Variants in ETS1 observed in about 807,000 individuals in gnomAD.
ETS1 encodes protein C-ets-1.
A neutral mutation model predicts 58.6 loss-of-function variants in ETS1; 15 were observed. The observed-to-expected ratio is 0.26, with a 90% CI of 0.17 to 0.39. ETS1 has a LOEUF of 0.39. Among genes scored for constraint, ETS1 ranks in the 10% least tolerant of loss-of-function variants. The probability of loss-of-function intolerance (pLI) is 1.00; values close to 1 mark genes in which losing one functional copy is unlikely to be tolerated. For synonymous variants in ETS1, 214 were observed against 218.2 expected (o/e 0.98, Z 0.17); for missense variants, 417 against 610.5 (o/e 0.68, Z 3.34).
At chr11:128,582,858 G>C (rs1035048820) in intron 1 of ETS1, among the ~76,000 whole-genome samples, 1 of 151,744 alleles carries the variant, frequency 6.6e-6, no homozygotes, top group African/African-American at 2.4e-5. Context: ...ATATAATGTC[G>C]ATCTTTTGTG....
At chr11:128,541,699 G>A (rs1213578242) in intron 3 of ETS1, among the ~76,000 whole-genome samples, 1 of 152,128 alleles carries the variant, frequency 6.6e-6, no homozygotes, top group Admixed American at 6.5e-5. Context: ...TAATAACCTG[G>A]TTTGATTCTC....
intron 3 of ETS1, among the ~76,000 whole-genome samples, chr11:128,530,649 A>G (rs1863882431): frequency 6.6e-6 from 1 of 152,154 alleles, no homozygotes; most frequent in Non-Finnish European, 1.5e-5. Flanking sequence ...CAAGGGACCC[A>G]TCCAGGAGGG....
chr11:128,541,599 GTTTTC>G (rs1343179517), intron 3 of ETS1, among the ~76,000 whole-genome samples: 2 of 152,140 alleles, frequency 1.3e-5, no homozygotes, highest in Admixed American at 6.5e-5. Flanking sequence ...AGTTTGTGTT[GTTTTC>G]TTTTGTTTTG....
At chr11:128,525,150 A>T (rs1325072535) in intron 3 of ETS1, among the ~76,000 whole-genome samples, 1 of 152,170 alleles carries the variant, frequency 6.6e-6, no homozygotes, top group Non-Finnish European at 1.5e-5. Flanking sequence ...ACTTCGGCTA[A>T]TTATATCCTA....
At chr11:128,514,050 C>G (rs1371807953) in intron 3 of ETS1, among the ~76,000 whole-genome samples, 5 of 152,098 alleles carry the variant, frequency 3.3e-5, no homozygotes, top group African/African-American at 1.2e-4. Context: ...GTGGGAGACC[C>G]TAGATACTTC....
At chr11:128,484,602 G>T (rs1302051347) in intron 7 of ETS1, among the ~76,000 whole-genome samples, 2 of 152,160 alleles carry the variant, frequency 1.3e-5, no homozygotes, top group Non-Finnish European at 2.9e-5. Flanking sequence ...GCCTGATTTT[G>T]ATTTCACTGT....
intron 6 of ETS1, 119 bp downstream of exon 6, chr11:128,485,950 C>CATCT: frequency 3.0e-6 from 2 of 669,942 alleles, no homozygotes; most frequent in South Asian, 3.7e-5. Flanking sequence ...GAAGAGTCTA[C>CATCT]ATCTAAGAAG....
At chr11:128,483,529 TAAA>T (rs1443599113) in intron 7 of ETS1, among the ~76,000 whole-genome samples, 3 of 151,980 alleles carry the variant, frequency 2.0e-5, no homozygotes, top group Non-Finnish European at 4.4e-5. Flanking sequence ...CACCCAAAAA[TAAA>T]AAAGAGCCAG....
In ETS1 at chr11:128,585,072, GAAAGAGAA is replaced by G. The variant is rs1864970664; in HGVS notation, c.-15+2408_-15+2415del. ...AGAAAGAAAGAAAGAAAGAAAGAAA[GAAAGAGAA>G]AGAAAGAAAGGAAAGAAAGAAAGGA... On this transcript the variant is annotated intron_variant, in intron 1 of 9. Transcript: ENST00000392668. Among the ~76,000 whole-genome samples, 2 of 18,952 alleles carry G rather than the reference GAAAGAGAA, an allele frequency of 1.1e-4. 1 individual carries two copies. Among genetic ancestry groups the G allele is most frequent in the African/African-American group, 1.0e-3 (2 of 1,912 alleles). 12.4% of individuals were successfully genotyped at this position (18,952 alleles called of 152,430 possible).
At chr11:128,492,795 T>C (rs1033209029) in intron 3 of ETS1, among the ~76,000 whole-genome samples, 1 of 145,384 alleles carries the variant, frequency 6.9e-6, no homozygotes, top group Non-Finnish European at 1.5e-5. Context: ...AGAAATCAGT[T>C]TTACTTTAGA....
At chr11:128,544,146 G>C (rs778215404) in intron 3 of ETS1, among the ~76,000 whole-genome samples, 54 of 151,944 alleles carry the variant, frequency 3.6e-4, no homozygotes, top group Non-Finnish European at 5.7e-4. Flanking sequence ...AGCTGAGTAT[G>C]TCCAAATTAT....
Position 128,561,905 on chromosome 11 carries a change from G to A in ETS1, c.70-5470C>T, listed in dbSNP as rs75126080. Among the ~76,000 whole-genome samples the A allele has an allele frequency of 5.0e-3, 769 of 152,292 alleles. 8 individuals carry two copies. Among genetic ancestry groups the A allele is most frequent in the African/African-American group, 0.018 (735 of 41,548 alleles). ...GGATGGAGGTAGAGCACAACTCAAG[G>A]AAAATGGCAGTCAGGACAATAAGGG... On this transcript the variant is annotated intron_variant, in intron 2 of 9. Transcript: ENST00000392668.
intron 3 of ETS1, among the ~76,000 whole-genome samples, chr11:128,546,192 G>T (rs1384360989): frequency 6.6e-6 from 1 of 152,238 alleles, no homozygotes; most frequent in African/African-American, 2.4e-5. Context: ...GTCTAGACTG[G>T]AGAAGTCTGA....
Position 128,464,255 on chromosome 11 carries a change from A to T in ETS1, c.1124-628T>A, listed in dbSNP as rs562374218. On this transcript the variant is annotated intron_variant, in intron 8 of 9. Transcript: ENST00000392668. The surrounding 1 kb of genome is among the most constrained non-coding windows in gnomAD (Gnocchi z 4.1). ...ACCCAAAGGAAAAAAAAAAAAAAGC[A>T]TCATTACTATTTGAGGAATTAACGT... 6.6e-6 allele frequency among the ~76,000 whole-genome samples: 1 copy of T among 151,046 alleles called. No individual in the cohort carries two copies. The highest frequency in any genetic ancestry group is 1.5e-5 in the Non-Finnish European group (1 of 67,828).
In ETS1 at chr11:128,489,420, T is replaced by C; in HGVS notation, c.405A>G (p.Lys135=). 6.2e-7 allele frequency: 1 copy of C among 1,614,158 alleles called. No individual in the cohort carries two copies. Among genetic ancestry groups the C allele is most frequent in the Non-Finnish European group, 8.5e-7 (1 of 1,180,020 alleles). The change falls in exon 5 of 10, where the codon AAA becomes AAG. Residue 135 remains lysine (K), a synonymous_variant. Coordinates refer to ENST00000392668, the MANE Select transcript of ETS1 (RefSeq NM_001143820.2). ...TACAGAACTTCTGGAAGTCTACACCTTTCAGGCTGAATTCATTCACAGCCC... is the reference window on the plus strand; with the variant it reads ...TACAGAACTTCTGGAAGTCTACACCCTTCAGGCTGAATTCATTCACAGCCC... ...VMWAVNEFSL[K]GVDFQKFCMN...
chr11:128,481,649 G>A (rs578030919), intron 7 of ETS1, among the ~76,000 whole-genome samples: 1 of 152,190 alleles, frequency 6.6e-6, no homozygotes, highest in South Asian at 2.1e-4. Context: ...TTGTTCAGGG[G>A]TGGTTGATCT....
chr11:128,584,863 G>A (rs1358447772), intron 1 of ETS1, among the ~76,000 whole-genome samples: 1 of 147,944 alleles, frequency 6.8e-6, no homozygotes, highest in African/African-American at 2.5e-5. Context: ...GGAAAGGGAA[G>A]GAGGAGGGAA....
chr11:128,518,957 G>A (rs940111095), intron 3 of ETS1, among the ~76,000 whole-genome samples: 1 of 152,216 alleles, frequency 6.6e-6, no homozygotes, highest in Non-Finnish European at 1.5e-5. Context: ...AGAGCAGAGT[G>A]TTGAAGGAAA....
intron 1 of ETS1, among the ~76,000 whole-genome samples, chr11:128,580,002 G>C (rs929683537): frequency 4.6e-5 from 7 of 151,700 alleles, no homozygotes; most frequent in African/African-American, 1.2e-4. Flanking sequence ...GCTCCTGAAT[G>C]ATGAGTAACT....
Sources: allele counts gnomAD v4.1 joint callset (sites outside exome capture counted in the v4.1 genomes callset), GRCh38; gene constraint gnomAD v4.1.1; non-coding constraint Gnocchi (gnomAD v3.1); transcripts MANE v1.5; gene names NCBI Gene and HGNC (gene_info 2026-07-23, HGNC 2026-07-21).